The following APLF variants were observed in gnomAD, a reference collection of about 807,000 sequenced individuals.
The protein encoded by APLF is aprataxin and PNKP like factor.
Under a neutral mutation model 55.6 loss-of-function variants are expected in APLF, and 61 were observed. The observed-to-expected ratio is 1.10, with a 90% confidence interval of 0.89 to 1.36. The LOEUF (loss-of-function observed/expected upper bound fraction) is 1.36, where lower values mean the gene tolerates loss of function less well. Ranked by LOEUF, APLF falls within the 40% of genes most tolerant of loss-of-function variation. The pLI is 0.00. For synonymous variants in APLF, 207 were observed against 214.8 expected, an observed-to-expected ratio of 0.96 and a Z score of 0.32; for missense variants, 611 against 602.5, an observed-to-expected ratio of 1.01 and a Z score of -0.15.
chr2:68,473,450 A>G (rs1675683224), intron 1 of APLF, among the ~76,000 whole-genome samples: 1 of 152,234 alleles, frequency 6.6e-6, no homozygotes, highest in African/African-American at 2.4e-5. Context: ...CATGGATAAT[A>G]CAACTACAAA....
In APLF at chr2:68,477,577, C is replaced by T. The variant is rs576102265; in HGVS notation, c.96+9750C>T. Among the ~76,000 whole-genome samples, 42 of 152,270 alleles carry T rather than the reference C, an allele frequency of 2.8e-4. No homozygotes were observed. In the South Asian group the frequency reaches 6.6e-3, roughly 24 times the overall value. On this transcript the variant is annotated intron_variant, in intron 1 of 9. Coordinates refer to ENST00000303795, the MANE Select transcript of APLF (RefSeq NM_173545.3). ...CTCACTTGAGCCTGGGAGATTGAGG[C>T]AGCAGTGAGCCATGACTGCACCATT... is the stretch of plus-strand genomic sequence containing the variant.
In APLF at chr2:68,545,289, T is replaced by A. The variant is rs1368359006; in HGVS notation, c.1263T>A (p.Cys421Ter). ...GQDETDDRPE[C>*]PYGPSCYRKN... ...ATGAGACTGATGACCGGCCTGAATG[T>A]CCCTATGGACCATCCTGTTATAGGT... Residue 421 changes from cysteine (C) to a stop codon, truncating the protein, a stop_gained, in exon 8 of 10, where the codon TGT becomes TGA. Transcript: ENST00000303795. LOFTEE classifies it high-confidence loss of function. 1 of 1,613,856 alleles carries A rather than the reference T, an allele frequency of 6.2e-7. No homozygotes were observed. Among genetic ancestry groups the A allele is most frequent in the Admixed American group, 1.7e-5 (1 of 59,990 alleles).
intron 6 of APLF, among the ~76,000 whole-genome samples, chr2:68,534,197 A>G (rs924820219): frequency 1.3e-5 from 2 of 152,226 alleles, no homozygotes; most frequent in Admixed American, 6.5e-5. Context: ...GGCAGAAACT[A>G]TGGCAGAGAA....
intron 1 of APLF, among the ~76,000 whole-genome samples, chr2:68,475,969 T>C (rs1031980561): frequency 6.6e-6 from 1 of 151,808 alleles, no homozygotes; most frequent in African/African-American, 2.4e-5. Flanking sequence ...ATAGATCCCA[T>C]GCTTTTTTTT....
At chr2:68,515,747 T>C in intron 5 of APLF, 3 of 982,290 alleles carry the variant, frequency 3.1e-6, no homozygotes, top group Non-Finnish European at 3.6e-6. Context: ...GTAATCTTTT[T>C]ATAAACTAAG....
rs147446250 is a variant in APLF at position 68,492,080 on chromosome 2, A to C, written c.168+1819A>C. 5.0e-4 allele frequency among the ~76,000 whole-genome samples: 76 copies of C among 152,294 alleles called. 1 individual carries two copies. In the East Asian group the frequency reaches 0.01, roughly 20 times the overall value. ...GTTAATCAAGGACATTTATATTTTA[A>C]AATGTTTTATAAATTGGCTTTAATA... On this transcript the variant is annotated intron_variant, in intron 2 of 9. Transcript: ENST00000303795.
rs1336378990 is a variant in APLF at position 68,529,913 on chromosome 2, G to A, written c.804+3671G>A. 3.3e-5 allele frequency among the ~76,000 whole-genome samples: 5 copies of A among 152,332 alleles called. No homozygotes were observed. The highest frequency in any genetic ancestry group is 4.1e-4 in the South Asian group (2 of 4,832). ...CAGAGCGCAGGACCAGCCAGATCCC[G>A]CCAGGCTCCCCCGGGGCCTCTCCAG... is the stretch of plus-strand genomic sequence containing the variant. On this transcript the variant is annotated intron_variant, in intron 6 of 9. Transcript: ENST00000303795. The surrounding 1 kb of genome is among the most constrained non-coding windows in gnomAD (Gnocchi z 4.4).
chr2:68,570,631 T>C (rs1324336410), intron 9 of APLF, among the ~76,000 whole-genome samples: 9 of 152,294 alleles, frequency 5.9e-5, no homozygotes, highest in East Asian at 5.8e-4. Context: ...ACTCATCCTT[T>C]TTTATGGCTG....
At chr2:68,496,347 C>T (rs2103920243) in intron 2 of APLF, among the ~76,000 whole-genome samples, 1 of 152,266 alleles carries the variant, frequency 6.6e-6, no homozygotes, top group African/African-American at 2.4e-5. Context: ...TCAGGTGATT[C>T]ACCAGCCTCA....
At chr2:68,481,088 G>T (rs978714067) in intron 1 of APLF, among the ~76,000 whole-genome samples, 1 of 152,052 alleles carries the variant, frequency 6.6e-6, no homozygotes, top group African/African-American at 2.4e-5. Context: ...TTGTTTGTGT[G>T]TCCTTGTCTG....
chr2:68,475,190 T>G (rs1040391092), intron 1 of APLF, among the ~76,000 whole-genome samples: 1 of 152,216 alleles, frequency 6.6e-6, no homozygotes, highest in Admixed American at 6.5e-5. Context: ...TTTCCTTATG[T>G]CTTTACTTAC....
intron 1 of APLF, among the ~76,000 whole-genome samples, chr2:68,480,398 A>G (rs1183253383): frequency 6.6e-6 from 1 of 150,868 alleles, no homozygotes; most frequent in East Asian, 1.9e-4. Context: ...TCCGTCTCCC[A>G]GATTCAAGCA....
At chr2:68,502,684 A>G (rs770565813) in intron 2 of APLF, 47 bp from the exon 3 acceptor site, 2 of 1,148,896 alleles carry the variant, frequency 1.7e-6, no homozygotes, top group Non-Finnish European at 2.3e-6. Flanking sequence ...ACATTATTGT[A>G]TTATATTCTT....
Position 68,578,203 on chromosome 2 carries a change from T to A in APLF, c.*181T>A. 7.4e-7 allele frequency: 1 copy of A among 1,346,258 alleles called. No individual in the cohort carries two copies. Among genetic ancestry groups the A allele is most frequent in the Non-Finnish European group, 9.5e-7 (1 of 1,049,220 alleles). 83.4% of individuals were successfully genotyped at this position (1,346,258 alleles called of 1,614,324 possible). On this transcript the variant is annotated 3_prime_UTR_variant, in exon 10 of 10. Coordinates refer to ENST00000303795, the MANE Select transcript of APLF (RefSeq NM_173545.3). ...TCAGCCTTCAGTATAATAGATGGAATTTTTTGTTGCCTTGCCTTTTCTTTC... is the reference window on the plus strand; with the variant it reads ...TCAGCCTTCAGTATAATAGATGGAAATTTTTGTTGCCTTGCCTTTTCTTTC...
At chr2:68,565,492 TAGATAGAC>T (rs1475910008) in intron 8 of APLF, among the ~76,000 whole-genome samples, 4 of 142,430 alleles carry the variant, frequency 2.8e-5, no homozygotes, top group South Asian at 2.2e-4. Context: ...GATGGATAGT[TAGATAGAC>T]AGATAGACAG....
chr2:68,539,536 C>T (rs956310024), intron 7 of APLF, among the ~76,000 whole-genome samples: 11 of 152,152 alleles, frequency 7.2e-5, no homozygotes, highest in African/African-American at 2.4e-4. Flanking sequence ...TAACCTTAAT[C>T]ATCTTTTTAA....
Position 68,516,808 on chromosome 2 carries a change from G to GTA in APLF, c.622+3137_622+3138dup, listed in dbSNP as rs971115894. ...CTGAGTAGTATTCCATGGTGTATTT[G>GTA]TATATATATAGAGAGAACAAATCTG... is the stretch of plus-strand genomic sequence containing the variant. On this transcript the variant is annotated intron_variant, in intron 5 of 9. Coordinates refer to ENST00000303795, the MANE Select transcript of APLF (RefSeq NM_173545.3). 6.3e-5 allele frequency among the ~76,000 whole-genome samples: 9 copies of GTA among 143,178 alleles called. No individual in the cohort carries two copies. In the South Asian group the frequency reaches 6.4e-4, roughly 10 times the overall value. The allele number at this position is 143,178 out of a possible 152,430, so 93.9% of individuals were successfully genotyped here.
chr2:68,565,977 C>T (rs572049200), intron 8 of APLF, among the ~76,000 whole-genome samples: 2 of 152,122 alleles, frequency 1.3e-5, no homozygotes, highest in South Asian at 4.2e-4. Flanking sequence ...TCACATTGCT[C>T]ATCTGTCACC....
At chr2:68,468,065 C>G (rs1246966396) in intron 1 of APLF, among the ~76,000 whole-genome samples, 2 of 152,240 alleles carry the variant, frequency 1.3e-5, no homozygotes, top group Admixed American at 6.5e-5. Context: ...GATTGGCAAA[C>G]TAGTGCCTGG....
Sources: allele counts gnomAD v4.1 joint callset (sites outside exome capture counted in the v4.1 genomes callset), GRCh38; gene constraint gnomAD v4.1.1; non-coding constraint Gnocchi (gnomAD v3.1); transcripts MANE v1.5; gene names NCBI Gene and HGNC (gene_info 2026-07-23, HGNC 2026-07-21).